The following LMBR1 variants were observed in gnomAD, a reference collection of about 807,000 sequenced individuals.
LMBR1 encodes limb region 1 protein homolog.
A neutral mutation model predicts 73.9 loss-of-function variants in LMBR1; 52 were observed. The observed-to-expected ratio is 0.70, with a 90% CI of 0.56 to 0.89. LMBR1 has a LOEUF of 0.89. LMBR1 is among the 40% of genes least tolerant of loss of function. The probability of loss-of-function intolerance (pLI) is 0.00; values close to 1 mark genes in which losing one functional copy is unlikely to be tolerated. For missense variants in LMBR1, 539 were observed against 579.8 expected, an observed-to-expected ratio of 0.93 and a Z score of 0.72; for synonymous variants, 215 against 209.4, an observed-to-expected ratio of 1.03 and a Z score of -0.23.
At chr7:156,789,300 GAAC>G (rs1828766854) in intron 5 of LMBR1, among the ~76,000 whole-genome samples, 1 of 152,042 alleles carries the variant, frequency 6.6e-6, no homozygotes, top group African/African-American at 2.4e-5. Context: ...AGTCACTTCA[GAAC>G]AATACAACCT....
chr7:156,769,700 C>A (rs1049243663), intron 5 of LMBR1, among the ~76,000 whole-genome samples: 3 of 152,168 alleles, frequency 2.0e-5, no homozygotes, highest in Non-Finnish European at 4.4e-5. Flanking sequence ...GGCATGAGTG[C>A]CAGCAGGTCA....
At position 156,872,516 on chromosome 7, in the gene LMBR1, G is replaced by A. The variant is rs529290555; in HGVS notation, c.66+20412C>T. On this transcript the variant is annotated intron_variant, in intron 1 of 16. Transcript: ENST00000353442. ...TAAAAATTTAGCTGGGCGTGGTGGC[G>A]CATGCCTATAATCCCAGCTACTTGG... 1.8e-4 allele frequency among the ~76,000 whole-genome samples: 27 copies of A among 151,912 alleles called. No individual in the cohort carries two copies. The East Asian group carries it at 4.1e-3, about 23-fold the overall frequency.
chr7:156,863,119 T>C (rs1018479147), intron 1 of LMBR1, among the ~76,000 whole-genome samples: 4 of 152,138 alleles, frequency 2.6e-5, no homozygotes, highest in Admixed American at 2.0e-4. Flanking sequence ...TATATATGTA[T>C]AGATAGATAC....
intron 4 of LMBR1, among the ~76,000 whole-genome samples, chr7:156,796,829 C>T (rs555593206): frequency 6.6e-6 from 1 of 152,230 alleles, no homozygotes; most frequent in East Asian, 1.9e-4. Flanking sequence ...ATTTATTGAG[C>T]CCCTAATAAA....
intron 9 of LMBR1, among the ~76,000 whole-genome samples, chr7:156,744,325 T>A (rs887891188): frequency 3.3e-5 from 5 of 151,846 alleles, no homozygotes; most frequent in African/African-American, 1.2e-4. Flanking sequence ...AATTTTTCTA[T>A]GTGAAAGTTT....
In LMBR1 at chr7:156,796,255, T is replaced by A. The variant is rs529046922; in HGVS notation, c.423+134A>T. The A allele has an allele frequency of 1.6e-5, 10 of 612,604 alleles. No homozygotes were observed. Among genetic ancestry groups the A allele is most frequent in the African/African-American group, 1.5e-4 (8 of 52,514 alleles). 37.9% of individuals were successfully genotyped at this position (612,604 alleles called of 1,614,324 possible). A position where few individuals can be genotyped will look rare whatever the true frequency, so the allele number is the denominator to read the frequency against. On this transcript the variant is annotated intron_variant, in intron 5 of 16. Coordinates refer to ENST00000353442, the MANE Select transcript of LMBR1 (RefSeq NM_022458.4). ...GCAGAATTACTGTTATTGTTAACAA[T>A]GTGTTATCAATATTATTTACTACGC...
chr7:156,844,157 T>C (rs1242543595), intron 1 of LMBR1, among the ~76,000 whole-genome samples: 2 of 151,680 alleles, frequency 1.3e-5, no homozygotes, highest in Non-Finnish European at 2.9e-5. Flanking sequence ...AAACCCCGTC[T>C]CTACAAAAAA....
chr7:156,787,006 G>A (rs966742604), intron 5 of LMBR1, among the ~76,000 whole-genome samples: 1 of 152,094 alleles, frequency 6.6e-6, no homozygotes, highest in Non-Finnish European at 1.5e-5. Flanking sequence ...GGTATCTATA[G>A]TAATATTAGC....
intron 5 of LMBR1, among the ~76,000 whole-genome samples, chr7:156,767,906 A>T (rs944105189): frequency 2.0e-5 from 3 of 152,292 alleles, no homozygotes; most frequent in African/African-American, 7.2e-5. Context: ...TTAATTTTTT[A>T]AAAATGTACA....
intron 3 of LMBR1, among the ~76,000 whole-genome samples, chr7:156,829,138 G>C (rs12530665): frequency 0.068 from 10,332 of 152,274 alleles, 441 homozygotes; most frequent in African/African-American, 0.11. Context: ...CAGGAATAAA[G>C]GCTCTCGTGC....
chr7:156,800,141 T>C (rs1830691241), intron 4 of LMBR1, among the ~76,000 whole-genome samples: 1 of 152,208 alleles, frequency 6.6e-6, no homozygotes, highest in African/African-American at 2.4e-5. Context: ...TCAATGAAAG[T>C]GGCTGCACAA....
chr7:156,694,847 A>G (rs766483140), intron 15 of LMBR1, among the ~76,000 whole-genome samples: 56 of 152,250 alleles, frequency 3.7e-4, no homozygotes, highest in Non-Finnish European at 7.3e-4. Flanking sequence ...GTCATAATAA[A>G]CTCGACAACT....
chr7:156,735,952 G>C (rs1014033297), intron 9 of LMBR1, among the ~76,000 whole-genome samples: 1 of 152,204 alleles, frequency 6.6e-6, no homozygotes, highest in Non-Finnish European at 1.5e-5. Context: ...GATAGAACCA[G>C]TAGGAAAATT....
chr7:156,860,898 C>T (rs67257723), intron 1 of LMBR1, among the ~76,000 whole-genome samples: 10,293 of 152,336 alleles, frequency 0.068, 386 homozygotes, highest in East Asian at 0.14. Context: ...TGGGCAGCTC[C>T]GCCCCTGTGG....
intron 10 of LMBR1, 76 bp downstream of exon 10, chr7:156,734,101 A>G (rs1257147304): frequency 2.4e-6 from 2 of 816,586 alleles, no homozygotes; most frequent in African/African-American, 3.5e-5. Flanking sequence ...AAATTTTCTA[A>G]TATTTCAGAC....
chr7:156,867,291 T>G (rs1377344562), intron 1 of LMBR1, among the ~76,000 whole-genome samples: 1 of 152,186 alleles, frequency 6.6e-6, no homozygotes, highest in Non-Finnish European at 1.5e-5. Context: ...GTGAAGAAAT[T>G]AGAATTCTCA....
chr7:156,760,549 AAAG>A (rs1347327303), intron 8 of LMBR1, among the ~76,000 whole-genome samples: 4 of 150,382 alleles, frequency 2.7e-5, no homozygotes, highest in African/African-American at 9.9e-5. Flanking sequence ...AGAAAAGGAG[AAAG>A]AAGACCAAAC....
intron 15 of LMBR1, among the ~76,000 whole-genome samples, chr7:156,712,449 T>A (rs6949394): frequency 6.6e-6 from 1 of 152,184 alleles, no homozygotes; most frequent in East Asian, 1.9e-4. Flanking sequence ...GGAAAAACAG[T>A]ATGGAGATTT....
At chr7:156,722,795 G>C (rs1469178457) in intron 15 of LMBR1, among the ~76,000 whole-genome samples, 1 of 151,938 alleles carries the variant, frequency 6.6e-6, no homozygotes, top group East Asian at 1.9e-4. Context: ...TTTACCATTA[G>C]TTTGTTTTCT....
Sources: allele counts gnomAD v4.1 joint callset (sites outside exome capture counted in the v4.1 genomes callset), GRCh38; gene constraint gnomAD v4.1.1; transcripts MANE v1.5; gene names NCBI Gene and HGNC (gene_info 2026-07-23, HGNC 2026-07-21).